The following PLXNA2 variants were observed in gnomAD, a reference collection of about 807,000 sequenced individuals.
The protein encoded by PLXNA2 is plexin A2, also known as plexin-A2.
A neutral mutation model predicts 193.5 loss-of-function variants in PLXNA2; 91 were observed. The ratio of observed to expected loss-of-function variants is 0.47; its 90% CI spans 0.40 to 0.56. The LOEUF is 0.56. Ranked by LOEUF, PLXNA2 falls within the 20% of genes least tolerant of loss-of-function variation. The pLI, the probability that PLXNA2 is intolerant of heterozygous loss-of-function variation, is 0.00. For missense variants in PLXNA2, 1,995 were observed against 2,503.2 expected, an observed-to-expected ratio of 0.80 and a Z score of 4.33; for synonymous variants, 997 against 1,027.3, an observed-to-expected ratio of 0.97 and a Z score of 0.56.
chr1:208,115,246 A>G (rs2102438941), intron 4 of PLXNA2, among the ~76,000 whole-genome samples: 1 of 152,330 alleles, frequency 6.6e-6, no homozygotes, highest in South Asian at 2.1e-4. Context: ...TTGATTTATC[A>G]CCAAGTCAAC....
chr1:208,034,711 G>A, intron 26 of PLXNA2, 119 bp from the exon 27 acceptor site: 1 of 636,540 alleles, frequency 1.6e-6, no homozygotes, highest in Non-Finnish European at 2.9e-6. Context: ...AAGGAGTACA[G>A]GAATACCAGA....
intron 23 of PLXNA2, 22 bp downstream of exon 23, chr1:208,039,970 C>T (rs1272391512): frequency 1.2e-6 from 2 of 1,612,454 alleles, no homozygotes; most frequent in East Asian, 2.2e-5. Flanking sequence ...GACGCTAGGC[C>T]CCGTCTCACT....
At chr1:208,177,689 G>T (rs1288392609) in intron 3 of PLXNA2, among the ~76,000 whole-genome samples, 2 of 152,232 alleles carry the variant, frequency 1.3e-5, no homozygotes, top group Non-Finnish European at 2.9e-5. Flanking sequence ...GCCAGCAAAA[G>T]TCTAACCAAT....
intron 3 of PLXNA2, among the ~76,000 whole-genome samples, chr1:208,161,542 G>T (rs888823970): frequency 2.6e-5 from 4 of 152,146 alleles, no homozygotes; most frequent in Non-Finnish European, 5.9e-5. Flanking sequence ...TTACTAATAC[G>T]CAAATGGTGG....
At chr1:208,168,723 G>GTTTTTTT (rs751893998) in intron 3 of PLXNA2, among the ~76,000 whole-genome samples, 1,506 of 102,162 alleles carry the variant, frequency 0.015, 273 homozygotes, top group Middle Eastern at 0.029. Context: ...GAGTATGCGG[G>GTTTTTTT]GTTTTTTTTT....
chr1:208,186,708 A>ATTTTGTTTTTTGTTTTTTGTTTTTTT (rs368056918), intron 3 of PLXNA2, among the ~76,000 whole-genome samples: 8 of 111,742 alleles, frequency 7.2e-5, no homozygotes, highest in East Asian at 3.6e-4. Context: ...TTGCAATGTT[A>ATTTTGTTTTTTGTTTTTTGTTTTTTT]TTTTATTTTT....
At chr1:208,116,078 G>A (rs922620496) in intron 4 of PLXNA2, among the ~76,000 whole-genome samples, 6 of 152,134 alleles carry the variant, frequency 3.9e-5, no homozygotes, top group Non-Finnish European at 7.4e-5. Flanking sequence ...CTCCTCTCTT[G>A]CTTTGTGTAG....
At position 208,038,955 on chromosome 1, in the gene PLXNA2, C is replaced by T. The variant is rs754238798; in HGVS notation, c.4530G>A (p.Glu1510=). The part of the protein sequence containing the change: ...LILNCVNPDN[E]NSPEIPVKVL... ...CCTTCACTGGGATCTCTGGACTGTTCTCGTTGTCAGGGTTGACGCAGTTCA... is the reference window on the plus strand; with the variant it reads ...CCTTCACTGGGATCTCTGGACTGTTTTCGTTGTCAGGGTTGACGCAGTTCA... The change falls in exon 25 of 32, where the codon GAG becomes GAA. Residue 1510 remains glutamate, a synonymous_variant. Coordinates refer to ENST00000367033, the MANE Select transcript of PLXNA2 (RefSeq NM_025179.4). This position sits in a 1 kb window ranked among gnomAD's most constrained non-coding sequence, Gnocchi z 4.1. 18 of 1,613,950 alleles carry T rather than the reference C, an allele frequency of 1.1e-5. No homozygotes were observed. The highest frequency in any genetic ancestry group is 1.5e-5 in the Non-Finnish European group (18 of 1,180,006).
At chr1:208,094,726 G>C (rs773254822) in intron 8 of PLXNA2, among the ~76,000 whole-genome samples, 7 of 152,178 alleles carry the variant, frequency 4.6e-5, no homozygotes, top group Non-Finnish European at 1.0e-4. Flanking sequence ...GTTCCCACCA[G>C]GCCATTTCTA....
intron 2 of PLXNA2, among the ~76,000 whole-genome samples, chr1:208,212,415 T>G (rs1670992539): frequency 1.3e-5 from 2 of 152,214 alleles, no homozygotes; most frequent in Admixed American, 1.3e-4. Flanking sequence ...CACTTGTGTG[T>G]GTATATTCTT....
chr1:208,052,581 G>C (rs1218856071), intron 14 of PLXNA2, 118 bp from the exon 15 acceptor site: 3 of 964,236 alleles, frequency 3.1e-6, no homozygotes, highest in Non-Finnish European at 4.6e-6. Flanking sequence ...TACTTGTCCT[G>C]TCCTTTTCAA....
chr1:208,033,835 G>A (rs768092635), intron 27 of PLXNA2, among the ~76,000 whole-genome samples: 9 of 152,136 alleles, frequency 5.9e-5, no homozygotes, highest in Non-Finnish European at 1.5e-5. Flanking sequence ...TATTTTCGTC[G>A]GTGTTTTAAT....
chr1:208,239,628 A>G (rs1671982206), intron 1 of PLXNA2, among the ~76,000 whole-genome samples: 1 of 152,198 alleles, frequency 6.6e-6, no homozygotes, highest in South Asian at 2.1e-4. Flanking sequence ...CCAGATCCAC[A>G]GTGAGAAGCA....
At chr1:208,137,895 C>T (rs1668350624) in intron 4 of PLXNA2, among the ~76,000 whole-genome samples, 1 of 152,132 alleles carries the variant, frequency 6.6e-6, no homozygotes, top group African/African-American at 2.4e-5. Flanking sequence ...GTTTTACTCT[C>T]ACTATGTGTT....
intron 16 of PLXNA2, 37 bp from the exon 17 acceptor site, chr1:208,051,139 C>T: frequency 1.2e-6 from 2 of 1,601,096 alleles, no homozygotes; most frequent in Non-Finnish European, 1.7e-6. Flanking sequence ...GTAAAAAACC[C>T]CCTCAAATCT....
chr1:208,217,611 G>A lies in PLXNA2; in HGVS notation c.312C>T (p.Ser104=), dbSNP rs750617169. 1.1e-5 allele frequency: 17 copies of A among 1,614,084 alleles called. No homozygotes were observed. Among genetic ancestry groups the A allele is most frequent in the African/African-American group, 6.7e-5 (5 of 74,930 alleles). The part of the protein sequence containing the change: ...CYPPLIVQPC[S]EVLTLTNNVN... ...CATTGTTGGTGAGGGTGAGCACTTC[G>A]CTGCAGGGCTGCACGATGAGGGGCG... Residue 104 remains serine (S), a synonymous_variant, in exon 2 of 32, where the codon AGC becomes AGT. Coordinates refer to ENST00000367033, the MANE Select transcript of PLXNA2 (RefSeq NM_025179.4). This position sits in a 1 kb window ranked among gnomAD's most constrained non-coding sequence, Gnocchi z 4.7.
rs551375148 is a variant in PLXNA2 at position 208,148,108 on chromosome 1, T to C, written c.1372-5645A>G. 2.0e-5 allele frequency among the ~76,000 whole-genome samples: 3 copies of C among 152,328 alleles called. No homozygotes were observed. The South Asian group carries it at 6.2e-4, about 32-fold the overall frequency. On this transcript the variant is annotated intron_variant, in intron 3 of 31. Transcript: ENST00000367033. ...AGAAATTAATGTCAGCTTCTTTTCT[T>C]GAATATCCAATTCCAATCAGCATAT...
intron 3 of PLXNA2, among the ~76,000 whole-genome samples, chr1:208,187,500 C>G (rs11119003): frequency 1.3e-5 from 2 of 152,156 alleles, no homozygotes; most frequent in Non-Finnish European, 2.9e-5. Context: ...CTGAACAACT[C>G]GAGCTCTGAA....
intron 12 of PLXNA2, among the ~76,000 whole-genome samples, chr1:208,061,461 G>C (rs540156511): frequency 2.0e-5 from 3 of 152,300 alleles, no homozygotes; most frequent in Admixed American, 1.3e-4. Flanking sequence ...ACGGATAAGA[G>C]ATACAGAGGG....
Sources: gnomAD v4.1 joint callset for allele counts (sites outside exome capture counted in the v4.1 genomes callset) on GRCh38, gnomAD v4.1.1 for gene constraint, Gnocchi (gnomAD v3.1) non-coding constraint, MANE v1.5 for transcripts, NCBI Gene and HGNC (gene_info 2026-07-23, HGNC 2026-07-21) for gene names.